The following DOCK3 variants were observed in gnomAD, a reference collection of about 807,000 sequenced individuals.
The protein encoded by DOCK3 is dedicator of cytokinesis 3.
DOCK3 carries 60 observed loss-of-function variants against 265.6 expected under a neutral mutation model. The observed-to-expected ratio is 0.23, with a 90% confidence interval of 0.18 to 0.28. The LOEUF (loss-of-function observed/expected upper bound fraction) is 0.28, where lower values mean the gene tolerates loss of function less well. DOCK3 is among the 10% of genes least tolerant of loss of function. The pLI, the probability that DOCK3 is intolerant of heterozygous loss-of-function variation, is 1.00. For synonymous variants in DOCK3, 881 were observed against 938.0 expected (o/e 0.94, Z 1.11); for missense variants, 1,981 against 2,594.3 (o/e 0.76, Z 5.14).
chr3:51,283,057 G>T (rs911284921), intron 27 of DOCK3, among the ~76,000 whole-genome samples: 1 of 152,172 alleles, frequency 6.6e-6, no homozygotes, highest in African/African-American at 2.4e-5. Flanking sequence ...AAGGAATGAC[G>T]TGAGCCACAC....
At chr3:51,101,297 T>C (rs1014898625) in intron 9 of DOCK3, among the ~76,000 whole-genome samples, 2 of 152,018 alleles carry the variant, frequency 1.3e-5, no homozygotes, top group African/African-American at 4.8e-5. Context: ...ATTTTTTGTA[T>C]TTTTAGTAGA....
chr3:51,204,717 G>A (rs1174437218), intron 12 of DOCK3, among the ~76,000 whole-genome samples: 2 of 150,594 alleles, frequency 1.3e-5, no homozygotes, highest in Non-Finnish European at 2.9e-5. Context: ...ACATGCACAT[G>A]TATGTTTATT....
chr3:51,009,142 A>C (rs1040272427), intron 5 of DOCK3, among the ~76,000 whole-genome samples: 1 of 152,190 alleles, frequency 6.6e-6, no homozygotes, highest in South Asian at 2.1e-4. Context: ...AAAATGACTT[A>C]GGGATGATTC....
At chr3:51,063,809 A>C (rs1212850462) in intron 5 of DOCK3, among the ~76,000 whole-genome samples, 1 of 152,224 alleles carries the variant, frequency 6.6e-6, no homozygotes, top group African/African-American at 2.4e-5. Flanking sequence ...AAGTTTGTTA[A>C]GATGTTTCCG....
rs181361523 is a variant in DOCK3 at position 51,211,049 on chromosome 3, A to T, written c.1126+2187A>T. 2.3e-3 allele frequency among the ~76,000 whole-genome samples: 345 copies of T among 152,342 alleles called. 3 individuals are homozygous for T. Among genetic ancestry groups the T allele is most frequent in the African/African-American group, 7.6e-3 (318 of 41,578 alleles). The stretch of plus-strand genomic sequence containing the variant: ...CAAGTGAAGATAAAGCAGTTGACAC[A>T]CAAGTTTTCTGTTTATTTTAAAATG... On this transcript the variant is annotated intron_variant, in intron 13 of 52. Transcript: ENST00000266037.
intron 1 of DOCK3, chr3:50,719,797 T>C (rs1178521367): frequency 3.6e-6 from 3 of 827,964 alleles, no homozygotes. Context: ...CCCTGACACA[T>C]AAACTCTGGA....
chr3:50,775,580 T>A (rs2041540485), intron 1 of DOCK3, among the ~76,000 whole-genome samples: 1 of 152,118 alleles, frequency 6.6e-6, no homozygotes, highest in South Asian at 2.1e-4. Flanking sequence ...TTCTTCAAGA[T>A]TGACAGGGCG....
chr3:50,923,131 A>G (rs758263092), intron 4 of DOCK3, among the ~76,000 whole-genome samples: 2 of 152,088 alleles, frequency 1.3e-5, no homozygotes, highest in Non-Finnish European at 2.9e-5. Context: ...CTTCCATCAT[A>G]TATATATACA....
intron 12 of DOCK3, among the ~76,000 whole-genome samples, chr3:51,192,463 A>T (rs1258051802): frequency 2.0e-5 from 3 of 152,036 alleles, no homozygotes; most frequent in Non-Finnish European, 4.4e-5. Flanking sequence ...AATTCAGCCC[A>T]CAGAGGAAGG....
At chr3:50,970,617 G>A (rs1340992054) in intron 5 of DOCK3, among the ~76,000 whole-genome samples, 3 of 148,958 alleles carry the variant, frequency 2.0e-5, no homozygotes, top group African/African-American at 7.4e-5. Flanking sequence ...GTTCTATTTG[G>A]TTTTTCTAAA....
At chr3:50,831,450 C>T (rs1040910116) in intron 2 of DOCK3, among the ~76,000 whole-genome samples, 3 of 151,928 alleles carry the variant, frequency 2.0e-5, no homozygotes, top group Non-Finnish European at 2.9e-5. Context: ...CATTGTTCAT[C>T]TGCCACTTGT....
Position 51,332,921 on chromosome 3 carries a change from A to G in DOCK3, c.3489-80A>G, listed in dbSNP as rs1381003116. 3.8e-6 allele frequency: 6 copies of G among 1,587,028 alleles called. No individual in the cohort carries two copies. In the African/African-American group the frequency reaches 5.4e-5, roughly 14 times the overall value. On this transcript the variant is annotated intron_variant, in intron 33 of 52. Coordinates refer to ENST00000266037, the MANE Select transcript of DOCK3 (RefSeq NM_004947.5). ...CAGTGGCATCCTTAGGAACTTGTAC[A>G]TGGAAATAGAAGATGTGTTTTCATT...
intron 12 of DOCK3, among the ~76,000 whole-genome samples, chr3:51,201,034 T>C (rs1187385615): frequency 6.6e-6 from 1 of 151,578 alleles, no homozygotes; most frequent in Non-Finnish European, 1.5e-5. Context: ...GCACTAAACA[T>C]GGAAAGGAAC....
At chr3:51,013,880 G>A (rs1376026628) in intron 5 of DOCK3, among the ~76,000 whole-genome samples, 2 of 152,162 alleles carry the variant, frequency 1.3e-5, no homozygotes, top group African/African-American at 4.8e-5. Context: ...CAGCAATGGC[G>A]GACGCCCCTC....
At chr3:50,892,252 A>AT (rs990641677) in intron 4 of DOCK3, among the ~76,000 whole-genome samples, 13 of 152,042 alleles carry the variant, frequency 8.6e-5, no homozygotes, top group Admixed American at 3.3e-4. Flanking sequence ...TTGTAGTGGA[A>AT]TAGAGCCCAA....
In DOCK3 at chr3:50,877,628, C is replaced by T. The variant is rs866402470; in HGVS notation, c.163-12398C>T. On this transcript the variant is annotated intron_variant, in intron 3 of 52. Coordinates refer to ENST00000266037, the MANE Select transcript of DOCK3 (RefSeq NM_004947.5). ...GTGGCTTTCTGTAGTGCACCATTAT[C>T]TAGGGCTTCAATGGCAGCCACTTTT... 112 of 455,878 alleles carry T rather than the reference C, an allele frequency of 2.5e-4. 2 individuals carry two copies. The Middle Eastern group carries it at 9.0e-3, about 37-fold the overall frequency. The allele number at this position is 455,878 out of a possible 1,614,324, so 28.2% of individuals were successfully genotyped here.
chr3:51,286,497 C>T (rs760356605), intron 27 of DOCK3, among the ~76,000 whole-genome samples: 19 of 152,032 alleles, frequency 1.2e-4, no homozygotes, highest in Admixed American at 8.5e-4. Context: ...TAAAAAAAAG[C>T]CTGAATAGCC....
intron 5 of DOCK3, among the ~76,000 whole-genome samples, chr3:51,030,819 G>A (rs1233993725): frequency 6.6e-6 from 1 of 152,176 alleles, no homozygotes; most frequent in Non-Finnish European, 1.5e-5. Flanking sequence ...CCCGTCCTGT[G>A]TGATTGCCTA....
intron 14 of DOCK3, 24 bp downstream of exon 14, chr3:51,214,271 G>T (rs1324026173): frequency 1.2e-6 from 2 of 1,612,128 alleles, no homozygotes; most frequent in Non-Finnish European, 1.7e-6. Context: ...CTTGGGGCTG[G>T]GAAGGAAGAT....
Sources: gnomAD v4.1 joint callset for allele counts (sites outside exome capture counted in the v4.1 genomes callset) on GRCh38, gnomAD v4.1.1 for gene constraint, MANE v1.5 for transcripts, NCBI Gene and HGNC (gene_info 2026-07-23, HGNC 2026-07-21) for gene names.